TFDP2: variants seen among roughly 807,000 people sequenced by gnomAD.
The protein encoded by TFDP2 is transcription factor Dp-2, also known as transcription factor Dp-2 (E2F dimerization partner 2).
Under a neutral mutation model 59.3 loss-of-function variants are expected in TFDP2, and 17 were observed. That is an observed-to-expected ratio of 0.29 (90% CI 0.20 to 0.43). The LOEUF is 0.43. Among genes scored for constraint, TFDP2 ranks in the 20% least tolerant of loss-of-function variants. The pLI is 1.00. For missense variants in TFDP2, 391 were observed against 528.8 expected, an observed-to-expected ratio of 0.74 and a Z score of 2.56; for synonymous variants, 180 against 194.7, an observed-to-expected ratio of 0.92 and a Z score of 0.63.
At chr3:142,100,828 C>T (rs1302998669) in intron 2 of TFDP2, among the ~76,000 whole-genome samples, 3 of 152,154 alleles carry the variant, frequency 2.0e-5, no homozygotes, top group Non-Finnish European at 4.4e-5. Context: ...AGCAGGTACA[C>T]AGTAACAAGC....
At chr3:142,018,718 A>G (rs895297578) in intron 3 of TFDP2, among the ~76,000 whole-genome samples, 5 of 152,098 alleles carry the variant, frequency 3.3e-5, no homozygotes, top group African/African-American at 4.8e-5. Context: ...GTGGGACTAT[A>G]GGTGTGAGCC....
intron 3 of TFDP2, among the ~76,000 whole-genome samples, chr3:142,045,456 G>C (rs949604580): frequency 2.0e-5 from 3 of 151,930 alleles, no homozygotes; most frequent in Non-Finnish European, 4.4e-5. Context: ...CACCACACCT[G>C]GTCGTGTTTT....
chr3:142,015,889 C>G (rs1945093862), intron 3 of TFDP2, among the ~76,000 whole-genome samples: 1 of 152,182 alleles, frequency 6.6e-6, no homozygotes, highest in African/African-American at 2.4e-5. Flanking sequence ...AATGTAGCAT[C>G]TAAACTGAGA....
rs2063298880 is a variant in TFDP2 at position 142,149,224 on chromosome 3, C to A, written c.-134G>T. On this transcript the variant is annotated 5_prime_UTR_variant, in exon 1 of 13. Coordinates refer to ENST00000489671, the MANE Select transcript of TFDP2 (RefSeq NM_001178139.2). ...AGAACTGGCGGCCAAGCGAGGCTGT[C>A]GGGCCGAGCCAGGAGCGCGTCTTCG... is the stretch of plus-strand genomic sequence containing the variant. 2 of 397,632 alleles carry A rather than the reference C, an allele frequency of 5.0e-6. No individual in the cohort carries two copies. The highest frequency in any genetic ancestry group is 1.3e-4 in the South Asian group (1 of 7,812). The allele number at this position is 397,632 out of a possible 1,614,324, so 24.6% of individuals were successfully genotyped here. A position where few individuals can be genotyped will look rare whatever the true frequency, so the allele number is the denominator to read the frequency against.
chr3:142,041,848 G>A (rs1020526467), intron 3 of TFDP2, among the ~76,000 whole-genome samples: 23 of 152,098 alleles, frequency 1.5e-4, no homozygotes, highest in African/African-American at 5.3e-4. Context: ...AAGGTATAAG[G>A]TCTATGCCTA....
chr3:142,144,310 G>A (rs1204883094), intron 1 of TFDP2, among the ~76,000 whole-genome samples: 2 of 151,836 alleles, frequency 1.3e-5, no homozygotes, highest in African/African-American at 4.8e-5. Flanking sequence ...GGAGGTGGAG[G>A]TTGCAGTGAG....
intron 3 of TFDP2, among the ~76,000 whole-genome samples, chr3:142,078,304 T>C (rs1200966647): frequency 2.0e-5 from 3 of 152,242 alleles, no homozygotes; most frequent in African/African-American, 4.8e-5. Context: ...CACCTGCTGA[T>C]TGTAAAGCCC....
At chr3:141,961,600 G>T (rs895581209) in intron 10 of TFDP2, among the ~76,000 whole-genome samples, 7 of 152,058 alleles carry the variant, frequency 4.6e-5, no homozygotes, top group Non-Finnish European at 8.8e-5. Flanking sequence ...TATTTATAAA[G>T]AATTTGCAAG....
intron 9 of TFDP2, among the ~76,000 whole-genome samples, chr3:141,969,003 T>TATATAGATATATATATAACATATATCTC (rs1559940916): frequency 2.3e-5 from 2 of 86,762 alleles, no homozygotes; most frequent in African/African-American, 1.1e-4. Context: ...ATATATCTCA[T>TATATAGATATATATATAACATATATCTC]ATATATAGAT....
chr3:141,994,804 G>T (rs1943109309), intron 5 of TFDP2: 1 of 387,634 alleles, frequency 2.6e-6, no homozygotes, highest in Non-Finnish European at 4.5e-6. Context: ...ACAGGGTTTA[G>T]TTATGAGTTA....
At chr3:142,141,021 C>T (rs1020284584) in intron 1 of TFDP2, among the ~76,000 whole-genome samples, 2 of 152,192 alleles carry the variant, frequency 1.3e-5, no homozygotes, top group African/African-American at 2.4e-5. Context: ...AGGTAGGCTC[C>T]GCCCAGTTTG....
chr3:141,956,255 C>T (rs962562436), intron 11 of TFDP2, among the ~76,000 whole-genome samples: 12 of 152,092 alleles, frequency 7.9e-5, no homozygotes, highest in African/African-American at 2.9e-4. Context: ...TATAACTTTA[C>T]AACTCTATAA....
chr3:142,039,127 T>C (rs575511184), intron 3 of TFDP2, among the ~76,000 whole-genome samples: 121 of 152,352 alleles, frequency 7.9e-4, no homozygotes, highest in South Asian at 2.3e-3. Flanking sequence ...CTAATGTCAC[T>C]GGCAAAAATC....
chr3:142,071,938 G>A (rs181166438), intron 3 of TFDP2, among the ~76,000 whole-genome samples: 2 of 152,194 alleles, frequency 1.3e-5, no homozygotes, highest in Non-Finnish European at 2.9e-5. Context: ...CAAGTATTTG[G>A]GCCACAGGTA....
chr3:142,119,982 G>A (rs1381121374), intron 1 of TFDP2, among the ~76,000 whole-genome samples: 5 of 151,682 alleles, frequency 3.3e-5, no homozygotes, highest in African/African-American at 4.9e-5. Flanking sequence ...CCCGGCAGGC[G>A]GAGGTTGCAG....
chr3:142,138,337 A>AT (rs1577068735), intron 1 of TFDP2, among the ~76,000 whole-genome samples: 2 of 151,998 alleles, frequency 1.3e-5, no homozygotes, highest in Non-Finnish European at 2.9e-5. Context: ...GGATTCATTG[A>AT]TTTTTTGAAG....
chr3:142,060,747 A>G (rs932113874), intron 3 of TFDP2, among the ~76,000 whole-genome samples: 5 of 152,242 alleles, frequency 3.3e-5, no homozygotes, highest in African/African-American at 1.2e-4. Context: ...GTATCAGTGG[A>G]TAAAACAGAA....
At chr3:142,076,140 G>A (rs1359868266) in intron 3 of TFDP2, among the ~76,000 whole-genome samples, 1 of 150,422 alleles carries the variant, frequency 6.6e-6, no homozygotes, top group Admixed American at 6.7e-5. Flanking sequence ...GAACCCAGGA[G>A]GCAGAGGTTG....
chr3:142,044,035 A>G lies in TFDP2; in HGVS notation c.83-38491T>C, dbSNP rs1042913941. On this transcript the variant is annotated intron_variant, in intron 3 of 12. Coordinates refer to ENST00000489671, the MANE Select transcript of TFDP2 (RefSeq NM_001178139.2). ...CATCAAGCCCAGGAATGGACTGTCAACAGGCTTGCTGATGATCAGCTCATC... is the reference window on the plus strand; with the variant it reads ...CATCAAGCCCAGGAATGGACTGTCAGCAGGCTTGCTGATGATCAGCTCATC... 7 of 665,818 alleles carry G rather than the reference A, an allele frequency of 1.1e-5. No homozygotes were observed. In the African/African-American group the frequency reaches 1.3e-4, roughly 12 times the overall value. 41.2% of individuals were successfully genotyped at this position (665,818 alleles called of 1,614,324 possible). A position where few individuals can be genotyped will look rare whatever the true frequency, so the allele number is the denominator to read the frequency against.
Sources: gnomAD v4.1 joint callset for allele counts (sites outside exome capture counted in the v4.1 genomes callset) on GRCh38, gnomAD v4.1.1 for gene constraint, MANE v1.5 for transcripts, NCBI Gene and HGNC (gene_info 2026-07-23, HGNC 2026-07-21) for gene names.